The following TBC1D5 variants were observed in gnomAD, a reference collection of about 807,000 sequenced individuals.
TBC1D5 encodes TBC1 domain family, member 5.
In TBC1D5, 75 loss-of-function variants were observed where a neutral mutation model predicts 100.3. The ratio of observed to expected loss-of-function variants is 0.75; its 90% confidence interval spans 0.62 to 0.91. TBC1D5 has a LOEUF of 0.91. Ranked by LOEUF, TBC1D5 falls within the 40% of genes least tolerant of loss-of-function variation. The pLI is 0.00. For missense variants in TBC1D5, 910 were observed against 942.4 expected, an observed-to-expected ratio of 0.97 and a Z score of 0.45; for synonymous variants, 323 against 325.6, an observed-to-expected ratio of 0.99 and a Z score of 0.09.
intron 4 of TBC1D5, among the ~76,000 whole-genome samples, chr3:17,412,035 C>T (rs1427872939): frequency 2.0e-5 from 3 of 152,082 alleles, no homozygotes; most frequent in Non-Finnish European, 4.4e-5. Flanking sequence ...ATTTATTAAG[C>T]GCCTACTATG....
intron 3 of TBC1D5, among the ~76,000 whole-genome samples, chr3:17,482,123 A>G (rs1045430992): frequency 6.6e-6 from 1 of 152,232 alleles, no homozygotes. Context: ...CTGAGCATTG[A>G]AAGGTGTTTA....
At chr3:17,419,291 C>T (rs2094153487) in intron 4 of TBC1D5, among the ~76,000 whole-genome samples, 1 of 152,110 alleles carries the variant, frequency 6.6e-6, no homozygotes, top group Admixed American at 6.5e-5. Context: ...CTGCAATAAG[C>T]CCCTGTAACC....
At chr3:17,462,322 A>AT (rs527597868) in intron 3 of TBC1D5, among the ~76,000 whole-genome samples, 2,620 of 132,654 alleles carry the variant, frequency 0.02, 29 homozygotes, top group East Asian at 0.041. Context: ...TCGGACCTTA[A>AT]TTTTTTTTTT....
At chr3:17,653,350 G>A (rs1028278962) in intron 1 of TBC1D5, among the ~76,000 whole-genome samples, 7 of 152,104 alleles carry the variant, frequency 4.6e-5, no homozygotes, top group Non-Finnish European at 8.8e-5. Flanking sequence ...CACATCACCA[G>A]TAATAAGACA....
intron 13 of TBC1D5, 137 bp downstream of exon 13, chr3:17,371,938 G>A (rs2092478803): frequency 5.6e-6 from 4 of 720,218 alleles, no homozygotes; most frequent in Non-Finnish European, 8.0e-6. Context: ...TTGGGAAGCT[G>A]AGATGGGAGG....
intron 2 of TBC1D5, among the ~76,000 whole-genome samples, chr3:17,528,207 G>T (rs1449327179): frequency 2.0e-5 from 3 of 152,126 alleles, no homozygotes; most frequent in Non-Finnish European, 2.9e-5. Flanking sequence ...CTACAGGCGT[G>T]AGCCACCGTA....
At chr3:17,246,292 G>A (rs2076731984) in intron 16 of TBC1D5, among the ~76,000 whole-genome samples, 1 of 152,006 alleles carries the variant, frequency 6.6e-6, no homozygotes, top group Non-Finnish European at 1.5e-5. Context: ...CCTAACTAAA[G>A]GATGAGATAG....
At chr3:17,160,423 TTC>T (rs2065930355) in exon 22 of TBC1D5, 1 of 153,156 alleles carries the variant, frequency 6.5e-6, no homozygotes, top group Non-Finnish European at 1.5e-5. Context: ...TTCTGGTTCA[TTC>T]TATTGCATTT....
chr3:17,295,431 A>T (rs1442224473), intron 14 of TBC1D5, among the ~76,000 whole-genome samples: 1 of 152,204 alleles, frequency 6.6e-6, no homozygotes, highest in African/African-American at 2.4e-5. Context: ...CATTACCTCC[A>T]TATGAGGCAG....
chr3:17,455,472 ATATATATG>A (rs2095056285), intron 3 of TBC1D5, among the ~76,000 whole-genome samples: 1 of 144,544 alleles, frequency 6.9e-6, no homozygotes, highest in African/African-American at 2.6e-5. Context: ...ATATATGTGT[ATATATATG>A]TATATATATG....
intron 1 of TBC1D5, among the ~76,000 whole-genome samples, chr3:17,705,054 AC>A (rs1295902849): frequency 1.5e-4 from 13 of 88,538 alleles, no homozygotes; most frequent in African/African-American, 3.2e-4. Flanking sequence ...CGGGGGGCTG[AC>A]CCCCCCACCT....
chr3:17,687,882 T>C (rs1465172334), intron 1 of TBC1D5, among the ~76,000 whole-genome samples: 1 of 152,194 alleles, frequency 6.6e-6, no homozygotes, highest in Non-Finnish European at 1.5e-5. Context: ...AAAACTGGGA[T>C]TCTTTTGTAA....
intron 17 of TBC1D5, among the ~76,000 whole-genome samples, chr3:17,226,685 C>T (rs924482216): frequency 1.3e-5 from 2 of 152,156 alleles, no homozygotes; most frequent in African/African-American, 2.4e-5. Context: ...AACTGCAAAG[C>T]GGTCGGTTTA....
Position 17,724,239 on chromosome 3 carries a change from C to T in TBC1D5, c.-101+15104G>A, listed in dbSNP as rs911387717. On this transcript the variant is annotated intron_variant, in intron 1 of 21. Coordinates refer to ENST00000253692, the Ensembl canonical transcript of TBC1D5. Reference sequence around the variant, plus strand: ...ATGGTCTCAGCAGGGACCACCAGCACACGCCACCATGCTCGTCTAATTTTT... The same window carrying T: ...ATGGTCTCAGCAGGGACCACCAGCATACGCCACCATGCTCGTCTAATTTTT... Among the ~76,000 whole-genome samples the T allele has an allele frequency of 6.6e-5, 10 of 152,094 alleles. No individual in the cohort carries two copies. The East Asian group carries it at 1.2e-3, about 18-fold the overall frequency.
chr3:17,452,083 T>C (rs1182699556), intron 3 of TBC1D5, among the ~76,000 whole-genome samples: 1 of 152,122 alleles, frequency 6.6e-6, no homozygotes, highest in Non-Finnish European at 1.5e-5. Flanking sequence ...CAGTGTTAAG[T>C]TGCTATCAGT....
intron 15 of TBC1D5, among the ~76,000 whole-genome samples, chr3:17,270,559 C>T (rs2079298495): frequency 6.6e-6 from 1 of 152,164 alleles, no homozygotes; most frequent in South Asian, 2.1e-4. Context: ...CAAATATTTT[C>T]TCCCATTCTG....
chr3:17,195,134 A>C (rs984924824), intron 18 of TBC1D5, among the ~76,000 whole-genome samples: 14 of 152,202 alleles, frequency 9.2e-5, no homozygotes, highest in African/African-American at 3.1e-4. Context: ...AAAGGTATAA[A>C]AGGTGTCTCC....
intron 17 of TBC1D5, among the ~76,000 whole-genome samples, chr3:17,221,573 G>A (rs753686465): frequency 1.3e-5 from 2 of 152,092 alleles, no homozygotes; most frequent in African/African-American, 2.4e-5. Flanking sequence ...CATGAGAAGG[G>A]CTTGACCTGG....
At chr3:17,478,551 C>A (rs1374463748) in intron 3 of TBC1D5, among the ~76,000 whole-genome samples, 1 of 152,068 alleles carries the variant, frequency 6.6e-6, no homozygotes, top group African/African-American at 2.4e-5. Context: ...ATATTTAGTT[C>A]TTTTAATGCT....
Sources: allele counts gnomAD v4.1 joint callset (sites outside exome capture counted in the v4.1 genomes callset), GRCh38; gene constraint gnomAD v4.1.1; transcripts MANE v1.5; gene names NCBI Gene and HGNC (gene_info 2026-07-23, HGNC 2026-07-21).